Variants in TSPYL1 observed in about 807,000 individuals in gnomAD.
TSPYL1 encodes TSPY like 1.
Under a neutral mutation model 20.1 loss-of-function variants are expected in TSPYL1, and 16 were observed. That is an observed-to-expected ratio of 0.80 (90% CI 0.54 to 1.21). The LOEUF (loss-of-function observed/expected upper bound fraction) is 1.21. Ranked by LOEUF, TSPYL1 falls within the 50% of genes most tolerant of loss-of-function variation. TSPYL1 has a pLI of 0.00. For synonymous variants in TSPYL1, 259 were observed against 227.1 expected (o/e 1.14, Z -1.26); for missense variants, 560 against 569.3 (o/e 0.98, Z 0.17).
rs779485039 is a variant in TSPYL1 at position 116,278,647 on chromosome 6, A to G, written c.1184T>C (p.Ile395Thr). 6.2e-7 allele frequency: 1 copy of G among 1,614,150 alleles called. No individual in the cohort carries two copies. The highest frequency in any genetic ancestry group is 1.1e-5 in the South Asian group (1 of 91,082). The change falls in exon 1 of 1, where the codon ATT (isoleucine) becomes ACT (threonine). Residue 395 changes from isoleucine to threonine, a missense_variant. Ile to Thr is a moderately conservative substitution (Grantham distance 89). Coordinates refer to ENST00000368608, the MANE Select transcript of TSPYL1 (RefSeq NM_003309.4). The part of the protein sequence containing the change: ...SLPESDKIAE[I>T]IKEDLWPNPL... ...ATTTGGCCACAGATCCTCTTTAATA[A>G]TCTCAGCAATTTTGTCGGACTCTGG...
At position 116,279,400 on chromosome 6, in the gene TSPYL1, A is replaced by T; in HGVS notation, c.431T>A (p.Leu144Gln). Reference protein sequence around the residue: ...ICGAQRSASELTAGAEAEAEE... With the variant: ...ICGAQRSASEQTAGAEAEAEE... ...CGCCTCAGCCTCCGCCCCCGCCGTC[A>T]GCTCAGACGCGGATCTCTGGGCGCC... The change falls in exon 1 of 1, where the codon CTG becomes CAG. Residue 144 changes from leucine (L) to glutamine (Q), a missense_variant. Physicochemically the swap from Leu to Gln is moderately radical, Grantham distance 113. Transcript: ENST00000368608. 6.2e-7 allele frequency: 1 copy of T among 1,613,122 alleles called. No individual in the cohort carries two copies. The highest frequency in any genetic ancestry group is 8.5e-7 in the Non-Finnish European group (1 of 1,180,002).
rs148897156 is a variant in TSPYL1, at chr6:116,279,177, T to C, written c.654A>G (p.Glu218=). ...DRLEEEAREE[E]GPWPLHEALR... is the part of the protein sequence containing the mutation. ...GAGCCTCATGCAAAGGCCAGGGCCC[T>C]TCTTCCTCCCTCGCCTCCTCCTCCA... Residue 218 remains glutamate (E), a synonymous_variant, in exon 1 of 1, where the codon GAA becomes GAG. Coordinates refer to ENST00000368608, the MANE Select transcript of TSPYL1 (RefSeq NM_003309.4). The C allele has an allele frequency of 1.2e-5, 19 of 1,612,726 alleles. No homozygotes were observed. The highest frequency in any genetic ancestry group is 1.6e-5 in the Non-Finnish European group (19 of 1,179,834).
rs755262799 is a variant in TSPYL1, at chr6:116,278,573, G to A, written c.1258C>T (p.Arg420Cys). 5 of 1,614,194 alleles carry A rather than the reference G, an allele frequency of 3.1e-6. No homozygotes were observed. Among genetic ancestry groups the A allele is most frequent in the Non-Finnish European group, 4.2e-6 (5 of 1,180,034 alleles). Residue 420 changes from arginine to cysteine, a missense_variant, in exon 1 of 1, where the codon CGC (arginine) becomes TGC (cysteine). Coordinates refer to ENST00000368608, the MANE Select transcript of TSPYL1 (RefSeq NM_003309.4). ...LREGVRRARR[R>C]PLREPVEIPR... The stretch of plus-strand genomic sequence containing the variant: ...ATCTCTACAGGCTCCCTTAGCGGGC[G>A]ACGTCGGGCTCTACGGACTCCTTCA...
chr6:116,277,312 T>C lies in TSPYL1; in HGVS notation c.*1205A>G, dbSNP rs1045182. The C allele has an allele frequency of 0.26, 40,169 of 152,648 alleles. 6,070 individuals carry two copies. The highest frequency in any genetic ancestry group is 0.64 in the East Asian group (3,315 of 5,170). 9.5% of individuals were successfully genotyped at this position (152,648 alleles called of 1,614,324 possible). On this transcript the variant is annotated 3_prime_UTR_variant, in exon 1 of 1. Transcript: ENST00000368608. ...CTTCAATTCTCCCTGAAAAGTATTT[T>C]TCCATTCATCATCATTGGGGAGTAA... is the stretch of plus-strand genomic sequence containing the variant.
chr6:116,278,593 C>T lies in TSPYL1; in HGVS notation c.1238G>A (p.Gly413Glu). The change falls in exon 1 of 1, where the codon GGA (glycine) becomes GAA (glutamate). Residue 413 changes from glycine (G) to glutamate (E), a missense_variant. Coordinates refer to ENST00000368608, the MANE Select transcript of TSPYL1 (RefSeq NM_003309.4). ...NPLQYYLLREGVRRARRRPLR... is the reference protein window; with the variant it reads ...NPLQYYLLREEVRRARRRPLR... ...CGGGCGACGTCGGGCTCTACGGACT[C>T]CTTCACGCAACAGGTAGTATTGCAG... is the stretch of plus-strand genomic sequence containing the variant. The T allele has an allele frequency of 3.1e-6, 5 of 1,614,182 alleles. No homozygotes were observed. The highest frequency in any genetic ancestry group is 4.2e-6 in the Non-Finnish European group (5 of 1,180,036).
rs1332919494 is a variant in TSPYL1, at chr6:116,275,071, A to C, written c.*3446T>G. Among the ~76,000 whole-genome samples, 1 of 152,244 alleles carries C rather than the reference A, an allele frequency of 6.6e-6. No homozygotes were observed. The highest frequency in any genetic ancestry group is 2.4e-5 in the African/African-American group (1 of 41,462). ...ATATGAAAAAAATTGAGATATTTTA[A>C]CATTTTTCTTTCCATACTGAGTCTT... On this transcript the variant is annotated 3_prime_UTR_variant, in exon 1 of 1. Coordinates refer to ENST00000368608, the MANE Select transcript of TSPYL1 (RefSeq NM_003309.4).
chr6:116,279,329 C>G lies in TSPYL1; in HGVS notation c.502G>C (p.Ala168Pro). The G allele has an allele frequency of 1.2e-6, 2 of 1,610,898 alleles. No individual in the cohort carries two copies. Among genetic ancestry groups the G allele is most frequent in the Non-Finnish European group, 1.7e-6 (2 of 1,179,978 alleles). Reference sequence around the variant, plus strand: ...ACCACCTCAGCGCTCTCCCTCTCAGCCACGGCTGCTGAGACGGTGGCGCAC... The same window carrying G: ...ACCACCTCAGCGCTCTCCCTCTCAGGCACGGCTGCTGAGACGGTGGCGCAC... ...GKCATVSAAVAERESAEVVKE... is the reference protein window; with the variant it reads ...GKCATVSAAVPERESAEVVKE... The change falls in exon 1 of 1, where the codon GCT becomes CCT. Residue 168 changes from alanine to proline, a missense_variant. Ala to Pro is a conservative substitution (Grantham distance 27, BLOSUM62 -1). Transcript: ENST00000368608.
rs888690960 is a variant in TSPYL1, at chr6:116,278,240, C to A, written c.*277G>T. 10 of 438,676 alleles carry A rather than the reference C, an allele frequency of 2.3e-5. No homozygotes were observed. Among genetic ancestry groups the A allele is most frequent in the African/African-American group, 1.6e-4 (8 of 49,936 alleles). The allele number at this position is 438,676 out of a possible 1,614,324, so 27.2% of individuals were successfully genotyped here. A position where few individuals can be genotyped will look rare whatever the true frequency, so the allele number is the denominator to read the frequency against. ...GCAGTGCAGATAAAGGCAGTACAATCTACAGTATCATTTGCTTGGCTTACA... is the reference window on the plus strand; with the variant it reads ...GCAGTGCAGATAAAGGCAGTACAATATACAGTATCATTTGCTTGGCTTACA... On this transcript the variant is annotated 3_prime_UTR_variant, in exon 1 of 1. Coordinates refer to ENST00000368608, the MANE Select transcript of TSPYL1 (RefSeq NM_003309.4).
chr6:116,279,756 C>T lies in TSPYL1; in HGVS notation c.75G>A (p.Pro25=). The change falls in exon 1 of 1, where the codon CCG becomes CCA. Residue 25 remains proline, a synonymous_variant. Transcript: ENST00000368608. ...GGTACTGGTGTGCGTCCTGGTCGCTCGGGACTTGGTCAGAAATAATGATGC... is the reference window on the plus strand; with the variant it reads ...GGTACTGGTGTGCGTCCTGGTCGCTTGGGACTTGGTCAGAAATAATGATGC... ...THSIIISDQV[P]SDQDAHQYLR... The T allele has an allele frequency of 3.7e-6, 6 of 1,612,250 alleles. No homozygotes were observed. The highest frequency in any genetic ancestry group is 2.2e-5 in the South Asian group (2 of 91,082).
At position 116,279,687 on chromosome 6, in the gene TSPYL1, C is replaced by T. The variant is rs1249694232; in HGVS notation, c.144G>A (p.Glu48=). 1 of 1,610,094 alleles carries T rather than the reference C, an allele frequency of 6.2e-7. No individual in the cohort carries two copies. Among genetic ancestry groups the T allele is most frequent in the Non-Finnish European group, 8.5e-7 (1 of 1,180,006 alleles). Residue 48 remains glutamate (E), a synonymous_variant, in exon 1 of 1, where the codon GAG becomes GAA. Transcript: ENST00000368608. The part of the protein sequence containing the change: ...DQSEATQVMA[E]PGEGGSETVA... Reference sequence around the variant, plus strand: ...CGGTCTCCGAGCCTCCCTCACCCGGCTCCGCCATCACCTGTGTCGCCTCGC... The same window carrying T: ...CGGTCTCCGAGCCTCCCTCACCCGGTTCCGCCATCACCTGTGTCGCCTCGC...
rs1773101282 is a variant in TSPYL1, at chr6:116,275,654, G to A, written c.*2863C>T. ...TCTCTACTAAAAATACAAAAAATTA[G>A]CCGGGCGTGGTAGCACGTGCCTGTA... is the stretch of plus-strand genomic sequence containing the variant. On this transcript the variant is annotated 3_prime_UTR_variant, in exon 1 of 1. Transcript: ENST00000368608. 6.6e-6 allele frequency among the ~76,000 whole-genome samples: 1 copy of A among 152,162 alleles called. No homozygotes were observed. The highest frequency in any genetic ancestry group is 1.5e-5 in the Non-Finnish European group (1 of 68,032).
At position 116,279,600 on chromosome 6, in the gene TSPYL1, A is replaced by T; in HGVS notation, c.231T>A (p.Arg77=). The T allele has an allele frequency of 2.5e-6, 4 of 1,601,922 alleles. No homozygotes were observed. Among genetic ancestry groups the T allele is most frequent in the Non-Finnish European group, 2.5e-6 (3 of 1,179,716 alleles). Residue 77 remains arginine, a synonymous_variant, in exon 1 of 1, where the codon CGT becomes CGA. Coordinates refer to ENST00000368608, the MANE Select transcript of TSPYL1 (RefSeq NM_003309.4). ...CAACTCGGATCTGGGGAGTACCGCC[A>T]CGGCCCGCGGCATCCTGGGGTACGC... ...EGGVPQDAAG[R]GGTPQIRVVG...
rs1169678203 is a variant in TSPYL1, at chr6:116,275,980, T to A, written c.*2537A>T. 1.3e-5 allele frequency among the ~76,000 whole-genome samples: 2 copies of A among 152,228 alleles called. No homozygotes were observed. The highest frequency in any genetic ancestry group is 1.5e-5 in the Non-Finnish European group (1 of 68,032). On this transcript the variant is annotated 3_prime_UTR_variant, in exon 1 of 1. Coordinates refer to ENST00000368608, the MANE Select transcript of TSPYL1 (RefSeq NM_003309.4). ...TAATTCTTTGTTTGCTTATCAGTCC[T>A]TCCCCAGTTCCCCAAAGAAGGGAAT...
rs1582923688 is a variant in TSPYL1, at chr6:116,276,930, G to T, written c.*1587C>A. On this transcript the variant is annotated 3_prime_UTR_variant, in exon 1 of 1. Transcript: ENST00000368608. ...ATACTTTTGTAGATTATTTTTCCAT[G>T]AAGGCAATTTGACAAGCCTAACAAA... 1 of 152,168 alleles carries T rather than the reference G, an allele frequency of 6.6e-6. No homozygotes were observed. Among genetic ancestry groups the T allele is most frequent in the Non-Finnish European group, 1.5e-5 (1 of 68,026 alleles). 9.4% of individuals were successfully genotyped at this position (152,168 alleles called of 1,614,324 possible).
Position 116,277,771 on chromosome 6 carries a change from G to C in TSPYL1, c.*746C>G, listed in dbSNP as rs1456169747. Reference sequence around the variant, plus strand: ...ATAAAAATTAGCCGGGCGTGGCGGCGCGCGCCTGTAGTCCCAGCTACTCGG... The same window carrying C: ...ATAAAAATTAGCCGGGCGTGGCGGCCCGCGCCTGTAGTCCCAGCTACTCGG... On this transcript the variant is annotated 3_prime_UTR_variant, in exon 1 of 1. Coordinates refer to ENST00000368608, the MANE Select transcript of TSPYL1 (RefSeq NM_003309.4). 1 of 151,962 alleles carries C rather than the reference G, an allele frequency of 6.6e-6. No individual in the cohort carries two copies. The highest frequency in any genetic ancestry group is 1.5e-5 in the Non-Finnish European group (1 of 68,068). 9.4% of individuals were successfully genotyped at this position (151,962 alleles called of 1,614,324 possible). A position where few individuals can be genotyped will look rare whatever the true frequency, so the allele number is the denominator to read the frequency against.
Position 116,278,575 on chromosome 6 carries a change from C to T in TSPYL1, c.1256G>A (p.Arg419His), listed in dbSNP as rs758204216. Residue 419 changes from arginine to histidine, a missense_variant, in exon 1 of 1, where the codon CGT (arginine) becomes CAT (histidine). Arg to His is a conservative substitution (Grantham distance 29, BLOSUM62 0). Transcript: ENST00000368608. Reference protein sequence around the residue: ...LLREGVRRARRRPLREPVEIP... With the variant: ...LLREGVRRARHRPLREPVEIP... ...CTCTACAGGCTCCCTTAGCGGGCGA[C>T]GTCGGGCTCTACGGACTCCTTCACG... 6.2e-7 allele frequency: 1 copy of T among 1,614,162 alleles called. No individual in the cohort carries two copies. Among genetic ancestry groups the T allele is most frequent in the Non-Finnish European group, 8.5e-7 (1 of 1,180,032 alleles).
In TSPYL1 at chr6:116,275,661, G is replaced by T. The variant is rs545796088; in HGVS notation, c.*2856C>A. Among the ~76,000 whole-genome samples, 15 of 152,240 alleles carry T rather than the reference G, an allele frequency of 9.9e-5. No individual in the cohort carries two copies. Among genetic ancestry groups the T allele is most frequent in the African/African-American group, 3.6e-4 (15 of 41,558 alleles). On this transcript the variant is annotated 3_prime_UTR_variant, in exon 1 of 1. Coordinates refer to ENST00000368608, the MANE Select transcript of TSPYL1 (RefSeq NM_003309.4). ...TAAAAATACAAAAAATTAGCCGGGC[G>T]TGGTAGCACGTGCCTGTAGTCCCAG...
Position 116,278,454 on chromosome 6 carries a change from C to T in TSPYL1, c.*63G>A. ...AGAAGGCATACTCATTGCTGATGCC[C>T]AAGCACAGGTCCAGCAGAAGGTGGT... is the stretch of plus-strand genomic sequence containing the variant. On this transcript the variant is annotated 3_prime_UTR_variant, in exon 1 of 1. Coordinates refer to ENST00000368608, the MANE Select transcript of TSPYL1 (RefSeq NM_003309.4). The T allele has an allele frequency of 3.1e-6, 5 of 1,609,526 alleles. No homozygotes were observed. The highest frequency in any genetic ancestry group is 4.2e-6 in the Non-Finnish European group (5 of 1,177,508).
At position 116,278,184 on chromosome 6, in the gene TSPYL1, T is replaced by C. The variant is rs1773256696; in HGVS notation, c.*333A>G. 1 of 330,732 alleles carries C rather than the reference T, an allele frequency of 3.0e-6. No homozygotes were observed. The highest frequency in any genetic ancestry group is 7.5e-5 in the East Asian group (1 of 13,308). 20.5% of individuals were successfully genotyped at this position (330,732 alleles called of 1,614,324 possible). A position where few individuals can be genotyped will look rare whatever the true frequency, so the allele number is the denominator to read the frequency against. On this transcript the variant is annotated 3_prime_UTR_variant, in exon 1 of 1. Transcript: ENST00000368608. The stretch of plus-strand genomic sequence containing the variant: ...TAGAAATCCAAGTGACAGCAACCAG[T>C]TCAGAGGCCCTGGGAATAAACAGGG...
Sources: allele counts gnomAD v4.1 joint callset (sites outside exome capture counted in the v4.1 genomes callset), GRCh38; gene constraint gnomAD v4.1.1; transcripts MANE v1.5; gene names NCBI Gene and HGNC (gene_info 2026-07-23, HGNC 2026-07-21).